The following EFCAB14 variants were observed in gnomAD, a reference collection of about 807,000 sequenced individuals.
EFCAB14 encodes EF-hand calcium-binding domain-containing protein 14.
Under a neutral mutation model 56.5 loss-of-function variants are expected in EFCAB14, and 43 were observed. That is an observed-to-expected ratio of 0.76 (90% confidence interval 0.60 to 0.98). EFCAB14 has a LOEUF of 0.98. Among genes scored for constraint, EFCAB14 ranks in the 50% least tolerant of loss-of-function variants. The pLI is 0.00. For synonymous variants in EFCAB14, 235 were observed against 212.9 expected (o/e 1.10, Z -0.90); for missense variants, 538 against 580.3 (o/e 0.93, Z 0.75).
At chr1:46,678,755 C>T (rs1676737913) in intron 10 of EFCAB14, 119 bp from the exon 11 acceptor site, 8 of 880,194 alleles carry the variant, frequency 9.1e-6, no homozygotes, top group African/African-American at 1.8e-5. Context: ...ATTTTGTTTC[C>T]AAATGGTAAA....
intron 10 of EFCAB14, among the ~76,000 whole-genome samples, chr1:46,682,710 A>G (rs1371640189): frequency 5.3e-5 from 8 of 152,216 alleles, no homozygotes; most frequent in Admixed American, 5.2e-4. Flanking sequence ...ACAGAAAGAT[A>G]ATATAGTACA....
intron 1 of EFCAB14, among the ~76,000 whole-genome samples, chr1:46,717,025 T>A (rs1229871204): frequency 6.6e-6 from 1 of 152,194 alleles, no homozygotes; most frequent in African/African-American, 2.4e-5. Context: ...CTTCAAGGTC[T>A]AAACTAACTT....
chr1:46,711,705 T>C (rs896078126), intron 2 of EFCAB14, among the ~76,000 whole-genome samples: 16 of 152,240 alleles, frequency 1.1e-4, no homozygotes, highest in African/African-American at 3.9e-4. Flanking sequence ...CCTAGTTCTT[T>C]TGATTTCCTA....
chr1:46,711,346 G>T (rs777260073), intron 2 of EFCAB14, among the ~76,000 whole-genome samples: 31 of 152,360 alleles, frequency 2.0e-4, no homozygotes, highest in Non-Finnish European at 3.4e-4. Context: ...GGGGCAAGGG[G>T]CGAAGTCTCT....
At chr1:46,689,947 T>C (rs1220254155) in intron 5 of EFCAB14, among the ~76,000 whole-genome samples, 2 of 152,180 alleles carry the variant, frequency 1.3e-5, no homozygotes, top group African/African-American at 4.8e-5. Flanking sequence ...CTCAATCTCT[T>C]AAAGGAATGA....
At chr1:46,690,904 G>C (rs912201745) in intron 5 of EFCAB14, among the ~76,000 whole-genome samples, 4 of 152,070 alleles carry the variant, frequency 2.6e-5, no homozygotes, top group South Asian at 2.1e-4. Flanking sequence ...AAGAGCAGGT[G>C]GGGGTGGGAG....
chr1:46,686,721 A>C, intron 8 of EFCAB14, 63 bp downstream of exon 8: 3 of 1,523,548 alleles, frequency 2.0e-6, no homozygotes, highest in Non-Finnish European at 2.7e-6. Context: ...GTAGCAGTAG[A>C]TCAAAAGCAC....
chr1:46,696,790 A>C (rs753836238), intron 3 of EFCAB14, 141 bp from the exon 4 acceptor site: 62 of 710,292 alleles, frequency 8.7e-5, no homozygotes, highest in Non-Finnish European at 1.3e-4. Flanking sequence ...TCACAGAAGT[A>C]AAGGAGACAG....
chr1:46,697,169 T>C (rs529422052), intron 3 of EFCAB14, among the ~76,000 whole-genome samples: 3 of 152,198 alleles, frequency 2.0e-5, no homozygotes, highest in Non-Finnish European at 2.9e-5. Flanking sequence ...TTTCAACTAC[T>C]TGGGGATTTG....
chr1:46,685,795 A>G (rs1338412145), intron 8 of EFCAB14, among the ~76,000 whole-genome samples: 1 of 152,190 alleles, frequency 6.6e-6, no homozygotes, highest in Non-Finnish European at 1.5e-5. Flanking sequence ...CAAAATTTAC[A>G]TCTGGCTCTT....
chr1:46,679,511 C>T (rs1676754125), intron 10 of EFCAB14, among the ~76,000 whole-genome samples: 1 of 150,092 alleles, frequency 6.7e-6, no homozygotes, highest in African/African-American at 2.5e-5. Flanking sequence ...CCATGTTGGC[C>T]AGGCTGGTCT....
rs146213314 is a variant in EFCAB14, at chr1:46,688,369, T to G, written c.971A>C (p.Asn324Thr). 36 of 1,613,570 alleles carry G rather than the reference T, an allele frequency of 2.2e-5. No homozygotes were observed. The highest frequency in any genetic ancestry group is 3.1e-5 in the Non-Finnish European group (36 of 1,179,768). ...VAMSKVEKKA[N>T]LSFSMMGDRS... Reference sequence around the variant, plus strand: ...AAGGCTTACCATGCTGAAGGACAGGTTTGCTTTCTTTTCTACCTTGCTCAT... The same window carrying G: ...AAGGCTTACCATGCTGAAGGACAGGGTTGCTTTCTTTTCTACCTTGCTCAT... Residue 324 changes from asparagine (N) to threonine (T), a missense_variant, in exon 7 of 11, where the codon AAC (asparagine) becomes ACC (threonine). Physicochemically the swap from Asn to Thr is moderately conservative, Grantham distance 65. Coordinates refer to ENST00000371933, the MANE Select transcript of EFCAB14 (RefSeq NM_014774.3).
intron 3 of EFCAB14, among the ~76,000 whole-genome samples, chr1:46,702,911 A>G (rs1430762910): frequency 6.6e-6 from 1 of 152,176 alleles, no homozygotes; most frequent in East Asian, 1.9e-4. Flanking sequence ...TTACCAAACC[A>G]TACTGTAGCT....
In EFCAB14 at chr1:46,711,812, C is replaced by A. The variant is rs188745387; in HGVS notation, c.335-3761G>T. Among the ~76,000 whole-genome samples, 425 of 152,218 alleles carry A rather than the reference C, an allele frequency of 2.8e-3. 3 individuals carry two copies. The highest frequency in any genetic ancestry group is 5.3e-4 in the Non-Finnish European group (36 of 68,022). ...TATTTTATATTTATACAATGTCTTT[C>A]CAGTTTGCAATAAACTTTTATGTAT... On this transcript the variant is annotated intron_variant, in intron 2 of 10. Coordinates refer to ENST00000371933, the MANE Select transcript of EFCAB14 (RefSeq NM_014774.3).
At chr1:46,704,870 T>C (rs1234952435) in intron 3 of EFCAB14, among the ~76,000 whole-genome samples, 3 of 141,752 alleles carry the variant, frequency 2.1e-5, no homozygotes, top group Non-Finnish European at 4.5e-5. Context: ...GAAGATTTGA[T>C]TTTAACTTTT....
chr1:46,718,136 G>A lies in EFCAB14; in HGVS notation c.-49C>T. On this transcript the variant is annotated 5_prime_UTR_variant, in exon 1 of 11. In the 5' UTR this introduces an upstream ATG that the reference lacks. Coordinates refer to ENST00000371933, the MANE Select transcript of EFCAB14 (RefSeq NM_014774.3). ...CCCCGACTCCTGAGCTGCCAGGTTC[G>A]TACCCGATGCCCAATTCTCTTCCTG... 6.3e-7 allele frequency: 1 copy of A among 1,581,598 alleles called. No individual in the cohort carries two copies. Among genetic ancestry groups the A allele is most frequent in the Non-Finnish European group, 8.6e-7 (1 of 1,158,692 alleles).
chr1:46,694,845 T>G lies in EFCAB14; in HGVS notation c.579+1706A>C, dbSNP rs771921946. Among the ~76,000 whole-genome samples, 3 of 152,204 alleles carry G rather than the reference T, an allele frequency of 2.0e-5. No homozygotes were observed. In the Middle Eastern group the frequency reaches 0.01, roughly 518 times the overall value. On this transcript the variant is annotated intron_variant, in intron 4 of 10. Coordinates refer to ENST00000371933, the MANE Select transcript of EFCAB14 (RefSeq NM_014774.3). ...AACCAACCCAAATGTCCATCAGTGA[T>G]AGACTAGATTAAGAAAACATGGCAG...
intron 1 of EFCAB14, 38 bp from the exon 2 acceptor site, chr1:46,716,481 T>G: frequency 6.2e-7 from 1 of 1,609,356 alleles, no homozygotes; most frequent in Non-Finnish European, 8.5e-7. Context: ...AGTACAAAAG[T>G]GATTATGGGT....
chr1:46,691,112 A>T (rs1676984144), intron 5 of EFCAB14, among the ~76,000 whole-genome samples: 1 of 152,214 alleles, frequency 6.6e-6, no homozygotes, highest in South Asian at 2.1e-4. Context: ...GACTGCAGAC[A>T]GCTTACATCT....
Sources: allele counts gnomAD v4.1 joint callset (sites outside exome capture counted in the v4.1 genomes callset), GRCh38; gene constraint gnomAD v4.1.1; transcripts MANE v1.5; gene names NCBI Gene and HGNC (gene_info 2026-07-23, HGNC 2026-07-21).